The following ZNF559 variants were observed in gnomAD, a reference collection of about 807,000 sequenced individuals.
The protein encoded by ZNF559 is putative protein product of Nbla00121.
A neutral mutation model predicts 14.2 loss-of-function variants in ZNF559; 17 were observed. That is an observed-to-expected ratio of 1.20 (90% confidence interval 0.82 to 1.80). The LOEUF (loss-of-function observed/expected upper bound fraction) is 1.80. ZNF559 is among the 40% of genes most tolerant of loss of function. The probability of loss-of-function intolerance (pLI) is 0.00; values close to 1 mark genes in which losing one functional copy is unlikely to be tolerated. For synonymous variants in ZNF559, 244 were observed against 212.4 expected, an observed-to-expected ratio of 1.15 and a Z score of -1.29; for missense variants, 740 against 629.7, an observed-to-expected ratio of 1.18 and a Z score of -1.88.
Position 9,337,834 on chromosome 19 carries a change from A to G in ZNF559, c.-81A>G. 2 of 1,481,914 alleles carry G rather than the reference A, an allele frequency of 1.3e-6. No homozygotes were observed. The highest frequency in any genetic ancestry group is 1.8e-6 in the Non-Finnish European group (2 of 1,119,382). 91.8% of individuals were successfully genotyped at this position (1,481,914 alleles called of 1,614,324 possible). A position where few individuals can be genotyped will look rare whatever the true frequency, so the allele number is the denominator to read the frequency against. Reference sequence around the variant, plus strand: ...GAATGGCGCTTGATGACAGATGAGTAATGCCTGTTGCTGAAAGATTGACGG... The same window carrying G: ...GAATGGCGCTTGATGACAGATGAGTGATGCCTGTTGCTGAAAGATTGACGG... On this transcript the variant is annotated 5_prime_UTR_variant, in exon 3 of 7. The change abolishes the stop of an existing upstream ORF in the 5' untranslated region. Coordinates refer to ENST00000603380, the MANE Select transcript of ZNF559 (RefSeq NM_032497.3).
In ZNF559 at chr19:9,341,811, G is replaced by C. The variant is rs77874723; in HGVS notation, c.360G>C (p.Glu120Asp). 114 of 1,611,240 alleles carry C rather than the reference G, an allele frequency of 7.1e-5. No individual in the cohort carries two copies. In the East Asian group the frequency reaches 2.4e-3, roughly 33 times the overall value. Residue 120 changes from glutamate (E) to aspartate (D), a missense_variant, in exon 7 of 7, where the codon GAG becomes GAC. By Grantham distance (45) the Glu-to-Asp change is conservative (BLOSUM62 2). Coordinates refer to ENST00000603380, the MANE Select transcript of ZNF559 (RefSeq NM_032497.3). ...RRTYFRKKTC[E>D]CNQCEKAFRK... ...CTTACTTTAGAAAGAAAACCTGTGA[G>C]TGTAATCAATGTGAAAAAGCCTTCA... is the stretch of plus-strand genomic sequence containing the variant.
At chr19:9,341,623 G>C in intron 6 of ZNF559, 72 bp from the exon 7 acceptor site, 1 of 1,600,968 alleles carries the variant, frequency 6.2e-7, no homozygotes, top group East Asian at 2.2e-5. Flanking sequence ...ACAGAATTCA[G>C]AGTAAAAGGG....
Position 9,342,762 on chromosome 19 carries a change from T to C in ZNF559, c.1311T>C (p.Phe437=). 6.2e-7 allele frequency: 1 copy of C among 1,614,182 alleles called. No individual in the cohort carries two copies. Residue 437 remains phenylalanine (F), a synonymous_variant, in exon 7 of 7, where the codon TTT becomes TTC. Transcript: ENST00000603380. ...GAAGTCACAGTGCAGAAAGGCCTTT[T>C]GAATGTGAGGAATGTGGGAAAGCCT... ...HLRSHSAERP[F]ECEECGKAFR... is the part of the protein sequence containing the mutation.
intron 3 of ZNF559, 43 bp downstream of exon 3, chr19:9,337,901 G>A (rs947891206): frequency 1.3e-6 from 2 of 1,533,844 alleles, no homozygotes; most frequent in African/African-American, 2.7e-5. Context: ...AAGAGGAATT[G>A]AGATTGACTT....
intron 2 of ZNF559, among the ~76,000 whole-genome samples, chr19:9,336,514 C>G (rs920732063): frequency 6.6e-6 from 1 of 151,824 alleles, no homozygotes; most frequent in Non-Finnish European, 1.5e-5. Context: ...TGGAGTGAAC[C>G]TGGGAGGCAG....
At chr19:9,326,917 T>A (rs2066638822) in intron 2 of ZNF559, among the ~76,000 whole-genome samples, 2 of 152,244 alleles carry the variant, frequency 1.3e-5, no homozygotes, top group Admixed American at 1.3e-4. Context: ...AACAATTTTA[T>A]TTTTAAAGTT....
intron 3 of ZNF559, chr19:9,338,107 C>T: frequency 1.6e-6 from 2 of 1,215,136 alleles, no homozygotes; most frequent in East Asian, 2.5e-5. Flanking sequence ...TCTAAGTGGC[C>T]CTGCTTTTGA....
chr19:9,324,458 C>T (rs1470661692), intron 1 of ZNF559: 6 of 1,425,724 alleles, frequency 4.2e-6, no homozygotes, highest in East Asian at 5.0e-5. Flanking sequence ...CGGGAGGAGG[C>T]GGGGGGCACG....
In ZNF559 at chr19:9,343,774, G is replaced by A; in HGVS notation, c.*706G>A. On this transcript the variant is annotated 3_prime_UTR_variant, in exon 7 of 7. Transcript: ENST00000603380. ...GTCACACTAGAGGAATGCCATATCA[G>A]AATGCTTTTGGTAAATATACATGTT... 1.0e-6 allele frequency: 1 copy of A among 985,594 alleles called. No individual in the cohort carries two copies. The highest frequency in any genetic ancestry group is 1.2e-6 in the Non-Finnish European group (1 of 830,070). The allele number at this position is 985,594 out of a possible 1,614,324, so 61.1% of individuals were successfully genotyped here. A position where few individuals can be genotyped will look rare whatever the true frequency, so the allele number is the denominator to read the frequency against.
chr19:9,339,096 AGT>A, intron 4 of ZNF559, 95 bp from the exon 5 acceptor site: 1 of 1,534,674 alleles, frequency 6.5e-7, no homozygotes, highest in Non-Finnish European at 9.0e-7. Flanking sequence ...GAGACCAAAG[AGT>A]CTTGTCAAGG....
Position 9,341,805 on chromosome 19 carries a change from C to A in ZNF559, c.354C>A (p.Thr118=). ...THRRTYFRKK[T]CECNQCEKAF... ...GGAGAACTTACTTTAGAAAGAAAAC[C>A]TGTGAGTGTAATCAATGTGAAAAAG... Residue 118 remains threonine, a synonymous_variant, in exon 7 of 7, where the codon ACC becomes ACA. Transcript: ENST00000603380. 6.2e-7 allele frequency: 1 copy of A among 1,609,862 alleles called. No homozygotes were observed. The highest frequency in any genetic ancestry group is 8.5e-7 in the Non-Finnish European group (1 of 1,178,932).
rs538565786 is a variant in ZNF559, at chr19:9,341,446, C to A, written c.244-249C>A. ...TTTGATAAATAATTCACTCTTGGGC[C>A]GTTATCAGCTAAGCTCTATTTAGAA... is the stretch of plus-strand genomic sequence containing the variant. On this transcript the variant is annotated intron_variant, in intron 6 of 6. Coordinates refer to ENST00000603380, the MANE Select transcript of ZNF559 (RefSeq NM_032497.3). 2.8e-5 allele frequency: 22 copies of A among 784,834 alleles called. 1 individual carries two copies. The highest frequency in any genetic ancestry group is 2.3e-4 in the Middle Eastern group (1 of 4,414). The allele number at this position is 784,834 out of a possible 1,614,324, so 48.6% of individuals were successfully genotyped here.
intron 2 of ZNF559, among the ~76,000 whole-genome samples, chr19:9,325,460 CAAAT>C (rs746078547): frequency 6.7e-5 from 10 of 150,298 alleles, no homozygotes; most frequent in Non-Finnish European, 1.3e-4. Flanking sequence ...GAAAAAAAAA[CAAAT>C]ACTGATCTAG....
rs398120810 is a variant in ZNF559, at chr19:9,345,666, T to TA, written c.*2599dup. On this transcript the variant is annotated 3_prime_UTR_variant, in exon 7 of 7. Coordinates refer to ENST00000603380, the MANE Select transcript of ZNF559 (RefSeq NM_032497.3). ...TTTTTTATTTATTTTTATTTTTTTT[T>TA]ATATAGAGACAGGGTTTTACTCTGT... 4.1e-5 allele frequency: 6 copies of TA among 146,946 alleles called. No individual in the cohort carries two copies. Among genetic ancestry groups the TA allele is most frequent in the African/African-American group, 1.0e-4 (4 of 39,948 alleles). 9.1% of individuals were successfully genotyped at this position (146,946 alleles called of 1,614,324 possible). A position where few individuals can be genotyped will look rare whatever the true frequency, so the allele number is the denominator to read the frequency against.
At chr19:9,341,608 G>A (rs1393881201) in intron 6 of ZNF559, 87 bp from the exon 7 acceptor site, 4 of 1,597,222 alleles carry the variant, frequency 2.5e-6, no homozygotes, top group Non-Finnish European at 3.4e-6. Context: ...TATTTTCCAT[G>A]TGTAACAGAA....
chr19:9,344,655 AAAAG>A lies in ZNF559; in HGVS notation c.*1591_*1594del, dbSNP rs2067691832. On this transcript the variant is annotated 3_prime_UTR_variant, in exon 7 of 7. Transcript: ENST00000603380. ...CAGGATGAGACCCTGTCTCAAAAAA[AAAAG>A]AAAATTGACGCCAGCAAAGAAAACC... The A allele has an allele frequency of 6.6e-6, 1 of 151,086 alleles. No homozygotes were observed. Among genetic ancestry groups the A allele is most frequent in the Non-Finnish European group, 1.5e-5 (1 of 67,954 alleles). 9.4% of individuals were successfully genotyped at this position (151,086 alleles called of 1,614,324 possible). A position where few individuals can be genotyped will look rare whatever the true frequency, so the allele number is the denominator to read the frequency against.
At chr19:9,337,176 T>A (rs1274940458) in intron 2 of ZNF559, among the ~76,000 whole-genome samples, 1 of 152,216 alleles carries the variant, frequency 6.6e-6, no homozygotes, top group Non-Finnish European at 1.5e-5. Context: ...AGCACCTGAA[T>A]GACTTCATAC....
At chr19:9,333,348 T>C (rs2067039433) in intron 2 of ZNF559, among the ~76,000 whole-genome samples, 1 of 152,182 alleles carries the variant, frequency 6.6e-6, no homozygotes, top group Non-Finnish European at 1.5e-5. Context: ...TAAATACATA[T>C]ATAATTTAAC....
chr19:9,324,630 A>G (rs7251157), intron 1 of ZNF559, 65 bp from the exon 2 acceptor site: 8 of 393,628 alleles, frequency 2.0e-5, no homozygotes, highest in Non-Finnish European at 3.1e-5. Flanking sequence ...CCCCCCCCCC[A>G]ACCATCTCTA....
Sources: allele counts gnomAD v4.1 joint callset (sites outside exome capture counted in the v4.1 genomes callset), GRCh38; gene constraint gnomAD v4.1.1; transcripts MANE v1.5; gene names NCBI Gene and HGNC (gene_info 2026-07-23, HGNC 2026-07-21).